CFAP210: variants seen among roughly 807,000 people sequenced by gnomAD.
CFAP210 encodes cilia- and flagella- associated protein 210.
the CFAP210 span, among the ~76,000 whole-genome samples, chr2:169,692,546 C>T: frequency 6.6e-6 from 1 of 151,484 alleles, no homozygotes; most frequent in African/African-American, 2.4e-5. Flanking sequence ...TATAATGAAC[C>T]CATTCCCCAG....
chr2:169,658,451 G>T, the CFAP210 span: 10 of 152,628 alleles, frequency 6.6e-5, no homozygotes, highest in African/African-American at 2.2e-4. Context: ...AAAAGTCACA[G>T]AATTTTTCTC....
the CFAP210 span, among the ~76,000 whole-genome samples, chr2:169,675,694 C>T: frequency 6.6e-6 from 1 of 152,320 alleles, no homozygotes; most frequent in East Asian, 1.9e-4. Flanking sequence ...GACACACATC[C>T]AAACTATATC....
At chr2:169,645,892 T>A in the CFAP210 span, 1 of 1,613,706 alleles carries the variant, frequency 6.2e-7, no homozygotes, top group East Asian at 2.2e-5. Flanking sequence ...TATATTTTGG[T>A]CCCTGAGAGT....
chr2:169,685,058 G>C, the CFAP210 span, among the ~76,000 whole-genome samples: 1 of 152,182 alleles, frequency 6.6e-6, no homozygotes, highest in Non-Finnish European at 1.5e-5. Flanking sequence ...TCCACCATTT[G>C]ACTATTATGA....
chr2:169,649,436 A>G, the CFAP210 span: 5 of 1,197,502 alleles, frequency 4.2e-6, no homozygotes, highest in Non-Finnish European at 5.9e-6. Flanking sequence ...GTTGAAGCAG[A>G]GGAGAGTCAG....
the CFAP210 span, among the ~76,000 whole-genome samples, chr2:169,656,296 AGAGG>A: frequency 1.3e-5 from 2 of 151,962 alleles, no homozygotes; most frequent in Non-Finnish European, 2.9e-5. Flanking sequence ...TCTCAAAAAA[AGAGG>A]AAGAGGAAGA....
chr2:169,662,145 G>T, the CFAP210 span: 2 of 846,256 alleles, frequency 2.4e-6, no homozygotes, highest in Non-Finnish European at 3.7e-6. Flanking sequence ...TCCCTTACTT[G>T]ATCATTACAT....
chr2:169,646,268 A>C, the CFAP210 span: 1 of 978,100 alleles, frequency 1.0e-6, no homozygotes, highest in South Asian at 1.6e-5. Context: ...AAATGTAGGT[A>C]TAATTTTCTA....
At chr2:169,690,449 G>A in the CFAP210 span, among the ~76,000 whole-genome samples, 1 of 152,202 alleles carries the variant, frequency 6.6e-6, no homozygotes, top group Non-Finnish European at 1.5e-5. Context: ...GATCACCTGA[G>A]GTCAGGAGTT....
chr2:169,653,029 A>AAATAT, the CFAP210 span, among the ~76,000 whole-genome samples: 1 of 39,966 alleles, frequency 2.5e-5, no homozygotes, highest in Non-Finnish European at 4.0e-5. Flanking sequence ...AAAAAAAAAA[A>AAATAT]ATATATATAT....
chr2:169,690,531 C>T, the CFAP210 span, among the ~76,000 whole-genome samples: 13 of 151,956 alleles, frequency 8.6e-5, no homozygotes, highest in African/African-American at 2.2e-4. Context: ...GGTGTGGTGG[C>T]GGGTGCCTGT....
At chr2:169,646,147 T>G in the CFAP210 span, 1 of 1,612,888 alleles carries the variant, frequency 6.2e-7, no homozygotes, top group South Asian at 1.1e-5. Flanking sequence ...CTAATTCTGC[T>G]TGTTTTGCTT....
the CFAP210 span, chr2:169,645,733 A>G: frequency 2.8e-6 from 2 of 718,468 alleles, no homozygotes; most frequent in Middle Eastern, 7.5e-4. Context: ...ATTAAATCAG[A>G]CATAATTGTA....
chr2:169,662,304 C>T, the CFAP210 span: 3 of 1,600,368 alleles, frequency 1.9e-6, no homozygotes, highest in Non-Finnish European at 2.5e-6. Flanking sequence ...TGCTTTCATG[C>T]ATCTCTTCTC....
chr2:169,674,571 C>A, the CFAP210 span: 3 of 1,583,592 alleles, frequency 1.9e-6, no homozygotes, highest in Non-Finnish European at 2.6e-6. Flanking sequence ...TTTATGTATA[C>A]ATACTGTTTT....
the CFAP210 span, among the ~76,000 whole-genome samples, chr2:169,690,282 G>A: frequency 2.0e-3 from 303 of 152,292 alleles, 1 homozygote; most frequent in Non-Finnish European, 3.4e-3. Flanking sequence ...TGCCCTTATA[G>A]AATGAGCTGG....
At chr2:169,694,186 C>A in the CFAP210 span, 2 of 1,429,042 alleles carry the variant, frequency 1.4e-6, no homozygotes, top group Non-Finnish European at 2.0e-6. Flanking sequence ...AGCCCTCATT[C>A]GGCATCCTCG....
chr2:169,659,722 A>G, the CFAP210 span, among the ~76,000 whole-genome samples: 2 of 152,178 alleles, frequency 1.3e-5, no homozygotes, highest in African/African-American at 4.8e-5. Context: ...CTCATATTTC[A>G]AAACCAATTA....
the CFAP210 span, chr2:169,694,316 C>A: frequency 6.2e-6 from 10 of 1,614,050 alleles, no homozygotes; most frequent in Non-Finnish European, 6.8e-6. Context: ...GCATCTCTGA[C>A]GAGGTGTCCA....
Sources: allele counts gnomAD v4.1 joint callset (sites outside exome capture counted in the v4.1 genomes callset), GRCh38; gene constraint gnomAD v4.1.1; transcripts MANE v1.5; gene names NCBI Gene and HGNC (gene_info 2026-07-23, HGNC 2026-07-21).